HDAC9: variants seen among roughly 807,000 people sequenced by gnomAD.
The protein encoded by HDAC9 is histone deacetylase 9.
A neutral mutation model predicts 139.4 loss-of-function variants in HDAC9; 41 were observed. The observed-to-expected ratio is 0.29, with a 90% CI of 0.23 to 0.38. HDAC9 has a LOEUF of 0.38. Among genes scored for constraint, HDAC9 ranks in the 10% least tolerant of loss-of-function variants. The pLI is 1.00. For missense variants in HDAC9, 1,147 were observed against 1,297.0 expected (o/e 0.88, Z 1.78); for synonymous variants, 517 against 476.2 (o/e 1.09, Z -1.12).
At chr7:18,359,027 C>T (rs118040229) in intron 1 of HDAC9, among the ~76,000 whole-genome samples, 1 of 152,314 alleles carries the variant, frequency 6.6e-6, no homozygotes, top group Non-Finnish European at 1.5e-5. Context: ...CTAAAACCTG[C>T]ACTGTTCATC....
intron 2 of HDAC9, among the ~76,000 whole-genome samples, chr7:18,179,495 C>G (rs1789211814): frequency 6.6e-6 from 1 of 152,116 alleles, no homozygotes; most frequent in Non-Finnish European, 1.5e-5. Flanking sequence ...TGTTCTTAAC[C>G]ACTATATAAG....
chr7:18,584,932 A>AT lies in HDAC9; in HGVS notation c.23-338dup, dbSNP rs59009987. ...GGCATCTTTTCCTCAACATAATTCCATTTTTTTTTTTGTCCTCGTTGACTT... is the reference window on the plus strand; with the variant it reads ...GGCATCTTTTCCTCAACATAATTCCATTTTTTTTTTTTGTCCTCGTTGACTT... On this transcript the variant is annotated intron_variant, in intron 2 of 25. Coordinates refer to ENST00000686413, the MANE Select transcript of HDAC9 (RefSeq NM_178425.4). 2.8e-4 allele frequency among the ~76,000 whole-genome samples: 42 copies of AT among 150,518 alleles called. 1 individual carries two copies. Among genetic ancestry groups the AT allele is most frequent in the African/African-American group, 6.1e-4 (25 of 41,052 alleles).
intron 12 of HDAC9, among the ~76,000 whole-genome samples, chr7:18,708,718 T>C (rs1424295091): frequency 6.6e-6 from 1 of 152,074 alleles, no homozygotes; most frequent in Non-Finnish European, 1.5e-5. Context: ...GACGGCAAGA[T>C]TCTAGTTATG....
intron 21 of HDAC9, among the ~76,000 whole-genome samples, chr7:18,856,848 T>C (rs571639114): frequency 4.6e-5 from 7 of 152,286 alleles, no homozygotes; most frequent in Admixed American, 3.9e-4. Flanking sequence ...ATTCCCGCCT[T>C]TTCTCCACAT....
At position 18,594,252 on chromosome 7, in the gene HDAC9, T is replaced by G. The variant is rs938501554; in HGVS notation, c.664+223T>G. On this transcript the variant is annotated intron_variant, in intron 6 of 25. Transcript: ENST00000686413. ...ATATCTCTTTTTCAGTTTAAAAGTTTATCATATTTGAACTTTAGCCAAATT... is the reference window on the plus strand; with the variant it reads ...ATATCTCTTTTTCAGTTTAAAAGTTGATCATATTTGAACTTTAGCCAAATT... Among the ~76,000 whole-genome samples, 6 of 152,122 alleles carry G rather than the reference T, an allele frequency of 3.9e-5. 1 individual carries two copies. In the South Asian group the frequency reaches 1.2e-3, roughly 31 times the overall value.
intron 22 of HDAC9, among the ~76,000 whole-genome samples, chr7:18,930,542 C>T (rs1804649557): frequency 6.6e-6 from 1 of 151,988 alleles, no homozygotes; most frequent in African/African-American, 2.4e-5. Flanking sequence ...ACCTGGGTAG[C>T]CACACTCGGC....
intron 22 of HDAC9, among the ~76,000 whole-genome samples, chr7:18,901,120 G>C (rs1801661453): frequency 6.6e-6 from 1 of 151,156 alleles, no homozygotes; most frequent in African/African-American, 2.4e-5. Context: ...ATACTACAGA[G>C]ATTCCCAAAA....
chr7:18,906,135 T>A (rs1459264623), intron 22 of HDAC9, among the ~76,000 whole-genome samples: 1 of 151,946 alleles, frequency 6.6e-6, no homozygotes, highest in African/African-American at 2.4e-5. Context: ...TTCCTTTTTT[T>A]TTTAACGTTA....
At chr7:18,163,701 T>C (rs918926568) in intron 2 of HDAC9, among the ~76,000 whole-genome samples, 1 of 152,218 alleles carries the variant, frequency 6.6e-6, no homozygotes. Context: ...ACTATTATTC[T>C]TTCTGTTGGG....
At chr7:18,941,427 G>A (rs2129314851) in intron 23 of HDAC9, among the ~76,000 whole-genome samples, 1 of 152,288 alleles carries the variant, frequency 6.6e-6, no homozygotes, top group East Asian at 1.9e-4. Flanking sequence ...ACTCTAGTAA[G>A]TGTTGACAAC....
rs185425313 is a variant in HDAC9, at chr7:18,762,180, C to G, written c.2067C>G (p.Ser689Arg). ...KCERIQGRKA[S>R]LEEIQLVHSE... Reference sequence around the variant, plus strand: ...AGCGAATTCAAGGTCGAAAAGCCAGCCTGGAGGAAATACAGCTTGTTCATT... The same window carrying G: ...AGCGAATTCAAGGTCGAAAAGCCAGGCTGGAGGAAATACAGCTTGTTCATT... Residue 689 changes from serine to arginine, a missense_variant, in exon 15 of 26, where the codon AGC becomes AGG. Physicochemically the swap from Ser to Arg is moderately radical, Grantham distance 110 (BLOSUM62 -1). Around this residue, in one of 7 missense-constraint regions of HDAC9, gnomAD observed 407 missense variants for 521.5 expected, o/e 0.78. Transcript: ENST00000686413. The G allele has an allele frequency of 6.2e-7, 1 of 1,613,410 alleles. No homozygotes were observed. Among genetic ancestry groups the G allele is most frequent in the Admixed American group, 1.7e-5 (1 of 59,948 alleles).
chr7:18,637,873 A>G (rs1008300665), intron 8 of HDAC9, among the ~76,000 whole-genome samples: 3 of 152,058 alleles, frequency 2.0e-5, no homozygotes, highest in Non-Finnish European at 2.9e-5. Flanking sequence ...CAGCAAATTA[A>G]TATCCTAGCT....
At chr7:18,320,613 T>G (rs1283750787) in intron 1 of HDAC9, among the ~76,000 whole-genome samples, 1 of 152,236 alleles carries the variant, frequency 6.6e-6, no homozygotes, top group African/African-American at 2.4e-5. Context: ...TTCTTTCTGC[T>G]GACTCATTTT....
chr7:18,339,145 CT>C (rs1255920362), intron 1 of HDAC9, among the ~76,000 whole-genome samples: 2 of 150,110 alleles, frequency 1.3e-5, no homozygotes, highest in Non-Finnish European at 3.0e-5. Context: ...AGTATCTTGC[CT>C]TTTTTTTTCT....
chr7:18,353,981 T>C (rs1783058457), intron 1 of HDAC9, among the ~76,000 whole-genome samples: 1 of 152,184 alleles, frequency 6.6e-6, no homozygotes, highest in African/African-American at 2.4e-5. Flanking sequence ...TGTTAGTGTA[T>C]GCACATTCTA....
In HDAC9 at chr7:18,660,550, A is replaced by G. The variant is rs893839101; in HGVS notation, c.1468-5663A>G. On this transcript the variant is annotated intron_variant, in intron 11 of 25. Coordinates refer to ENST00000686413, the MANE Select transcript of HDAC9 (RefSeq NM_178425.4). ...ACTAGGATATAAAATGATGAAAAAC[A>G]TATAGCTTATGCCCTATGAGATTTA... 2.0e-5 allele frequency among the ~76,000 whole-genome samples: 3 copies of G among 152,312 alleles called. No individual in the cohort carries two copies. The South Asian group carries it at 6.2e-4, about 32-fold the overall frequency.
At chr7:18,148,913 C>A (rs1324785771) in intron 1 of HDAC9, among the ~76,000 whole-genome samples, 1 of 152,206 alleles carries the variant, frequency 6.6e-6, no homozygotes, top group Non-Finnish European at 1.5e-5. Flanking sequence ...ATCAAAGGTT[C>A]TGGGGATATG....
In HDAC9 at chr7:18,830,727, G is replaced by T. The variant is rs114915185; in HGVS notation, c.2466+1179G>T. 3.0e-3 allele frequency among the ~76,000 whole-genome samples: 451 copies of T among 152,284 alleles called. 1 individual carries two copies. Among genetic ancestry groups the T allele is most frequent in the African/African-American group, 0.01 (428 of 41,554 alleles). ...ATTGAAGCATTCCTGCAAGCACTTTGGAGAGAAGAGTATTGAAACCTAACT... is the reference window on the plus strand; with the variant it reads ...ATTGAAGCATTCCTGCAAGCACTTTTGAGAGAAGAGTATTGAAACCTAACT... On this transcript the variant is annotated intron_variant, in intron 19 of 25. Coordinates refer to ENST00000686413, the MANE Select transcript of HDAC9 (RefSeq NM_178425.4).
chr7:18,396,325 T>C (rs1787054290), intron 1 of HDAC9, among the ~76,000 whole-genome samples: 1 of 152,106 alleles, frequency 6.6e-6, no homozygotes, highest in South Asian at 2.1e-4. Flanking sequence ...AAAAAACTTA[T>C]AAGATGATTA....
Sources: gnomAD v4.1 joint callset for allele counts (sites outside exome capture counted in the v4.1 genomes callset) on GRCh38, gnomAD v4.1.1 for gene constraint, gnomAD v4.1.1 regional missense constraint, MANE v1.5 for transcripts, NCBI Gene and HGNC (gene_info 2026-07-23, HGNC 2026-07-21) for gene names.